CNTN5: variants seen among roughly 807,000 people sequenced by gnomAD.
The protein encoded by CNTN5 is contactin 5, also known as contactin-5.
A neutral mutation model predicts 129.1 loss-of-function variants in CNTN5; 77 were observed. The observed-to-expected ratio is 0.60, with a 90% confidence interval of 0.50 to 0.72. The LOEUF (loss-of-function observed/expected upper bound fraction) is 0.72, where lower values mean the gene tolerates loss of function less well. CNTN5 is among the 30% of genes least tolerant of loss of function. The probability of loss-of-function intolerance (pLI) is 0.00; values close to 1 mark genes in which losing one functional copy is unlikely to be tolerated. For synonymous variants in CNTN5, 509 were observed against 465.6 expected (o/e 1.09, Z -1.20); for missense variants, 1,478 against 1,328.8 (o/e 1.11, Z -1.75).
At chr11:99,645,801 T>G (rs1951939045) in intron 3 of CNTN5, among the ~76,000 whole-genome samples, 1 of 149,442 alleles carries the variant, frequency 6.7e-6, no homozygotes, top group African/African-American at 2.5e-5. Flanking sequence ...CCTGTCGGGG[T>G]GGGGGGCTAG....
chr11:100,182,806 G>A (rs1948176974), intron 13 of CNTN5, among the ~76,000 whole-genome samples: 1 of 151,862 alleles, frequency 6.6e-6, no homozygotes, highest in African/African-American at 2.4e-5. Flanking sequence ...ACTTCAACAT[G>A]AGGAATTTCT....
chr11:99,795,469 T>G (rs1467109329), intron 3 of CNTN5, among the ~76,000 whole-genome samples: 1 of 152,192 alleles, frequency 6.6e-6, no homozygotes, highest in Non-Finnish European at 1.5e-5. Context: ...GGAACTAGCA[T>G]GATCATTTGG....
intron 6 of CNTN5, among the ~76,000 whole-genome samples, chr11:99,888,806 C>T (rs1451595617): frequency 6.6e-6 from 1 of 152,206 alleles, no homozygotes; most frequent in African/African-American, 2.4e-5. Context: ...AACAGTTGAG[C>T]TTACATACTC....
At chr11:100,154,445 C>T (rs189357175) in intron 13 of CNTN5, among the ~76,000 whole-genome samples, 1 of 152,186 alleles carries the variant, frequency 6.6e-6, no homozygotes, top group East Asian at 1.9e-4. Context: ...GGGTTGGTTC[C>T]AAGTCTTTGC....
chr11:99,739,641 T>C (rs1217818596), intron 3 of CNTN5, among the ~76,000 whole-genome samples: 2 of 152,056 alleles, frequency 1.3e-5, no homozygotes, highest in South Asian at 4.1e-4. Context: ...AAAACTAAAG[T>C]GCTATGAATG....
chr11:99,756,396 T>C (rs1022791911), intron 3 of CNTN5, among the ~76,000 whole-genome samples: 2 of 152,114 alleles, frequency 1.3e-5, no homozygotes, highest in Admixed American at 6.6e-5. Flanking sequence ...TAGATTAGCA[T>C]TGCCTTTTCA....
intron 2 of CNTN5, among the ~76,000 whole-genome samples, chr11:99,389,117 C>A (rs1941098494): frequency 6.7e-6 from 1 of 149,662 alleles, no homozygotes; most frequent in South Asian, 2.2e-4. Context: ...GCAACCTCTG[C>A]CTCCCAGGTT....
At chr11:100,000,379 T>G (rs1939781315) in intron 8 of CNTN5, among the ~76,000 whole-genome samples, 1 of 152,172 alleles carries the variant, frequency 6.6e-6, no homozygotes, top group African/African-American at 2.4e-5. Flanking sequence ...AAGGCAGTTA[T>G]TAAATCTTAA....
intron 3 of CNTN5, among the ~76,000 whole-genome samples, chr11:99,740,321 G>A (rs1017073147): frequency 2.0e-5 from 3 of 152,080 alleles, no homozygotes; most frequent in African/African-American, 7.2e-5. Context: ...CCCCAGAGTA[G>A]TTGCATGGAA....
chr11:100,309,332 T>C, intron 21 of CNTN5: 1 of 983,348 alleles, frequency 1.0e-6, no homozygotes. Flanking sequence ...CTGAAACATA[T>C]TTTTAATTCT....
intron 8 of CNTN5, among the ~76,000 whole-genome samples, chr11:100,000,636 A>T (rs1384341309): frequency 6.6e-6 from 1 of 152,184 alleles, no homozygotes; most frequent in East Asian, 1.9e-4. Flanking sequence ...ACAATACCCC[A>T]GTGGGGACAC....
chr11:100,322,494 T>C (rs546811009), intron 21 of CNTN5, among the ~76,000 whole-genome samples: 10 of 152,276 alleles, frequency 6.6e-5, no homozygotes, highest in Admixed American at 5.9e-4. Flanking sequence ...AGTGCTGGGA[T>C]TACAGGCATG....
chr11:99,358,717 T>TA (rs1938889701), intron 2 of CNTN5, among the ~76,000 whole-genome samples: 1 of 152,170 alleles, frequency 6.6e-6, no homozygotes, highest in South Asian at 2.1e-4. Context: ...TGACAGGACA[T>TA]ACATTTATTT....
chr11:99,698,277 A>AT (rs1442502077), intron 3 of CNTN5, among the ~76,000 whole-genome samples: 4 of 32,276 alleles, frequency 1.2e-4, no homozygotes, highest in African/African-American at 5.1e-4. Context: ...ACAGAAAAAT[A>AT]AAGATAAGAA....
intron 1 of CNTN5, among the ~76,000 whole-genome samples, chr11:99,024,541 G>T (rs1004372590): frequency 6.6e-6 from 1 of 151,982 alleles, no homozygotes; most frequent in Non-Finnish European, 1.5e-5. Context: ...ATAAATATTT[G>T]CATAAGCTAA....
intron 3 of CNTN5, among the ~76,000 whole-genome samples, chr11:99,736,328 G>A (rs537522685): frequency 9.9e-5 from 15 of 152,234 alleles, no homozygotes; most frequent in African/African-American, 3.4e-4. Flanking sequence ...ACAGGATCTG[G>A]AGCCTAGGAG....
intron 13 of CNTN5, among the ~76,000 whole-genome samples, chr11:100,127,802 T>C (rs1946243682): frequency 6.6e-6 from 1 of 151,710 alleles, no homozygotes; most frequent in Non-Finnish European, 1.5e-5. Context: ...GTGATTGTAG[T>C]TGCCTGCCAC....
intron 1 of CNTN5, among the ~76,000 whole-genome samples, chr11:99,074,348 T>C (rs1865473456): frequency 6.6e-6 from 1 of 152,166 alleles, no homozygotes; most frequent in Non-Finnish European, 1.5e-5. Flanking sequence ...CTGATGATAG[T>C]TTCCTTTGCT....
At chr11:99,807,639 TAAA>T (rs2135505075) in intron 3 of CNTN5, among the ~76,000 whole-genome samples, 1 of 152,216 alleles carries the variant, frequency 6.6e-6, no homozygotes, top group Admixed American at 6.5e-5. Context: ...CTCAGCCTCC[TAAA>T]TAGCTGGTAT....
Sources: gnomAD v4.1 joint callset for allele counts (sites outside exome capture counted in the v4.1 genomes callset) on GRCh38, gnomAD v4.1.1 for gene constraint, MANE v1.5 for transcripts, NCBI Gene and HGNC (gene_info 2026-07-23, HGNC 2026-07-21) for gene names.